DISC1: variants seen among roughly 807,000 people sequenced by gnomAD.
The protein encoded by DISC1 is disrupted in schizophrenia 1 protein.
A neutral mutation model predicts 84.5 loss-of-function variants in DISC1; 57 were observed. The observed-to-expected ratio is 0.67, with a 90% CI of 0.55 to 0.84. The LOEUF (loss-of-function observed/expected upper bound fraction) is 0.84. Among genes scored for constraint, DISC1 ranks in the 40% least tolerant of loss-of-function variants. DISC1 has a pLI of 0.00. For synonymous variants in DISC1, 411 were observed against 415.2 expected, an observed-to-expected ratio of 0.99 and a Z score of 0.12; for missense variants, 1,000 against 1,057.8, an observed-to-expected ratio of 0.95 and a Z score of 0.76.
At chr1:231,803,542 G>A (rs888933286) in intron 8 of DISC1, among the ~76,000 whole-genome samples, 8 of 152,088 alleles carry the variant, frequency 5.3e-5, no homozygotes, top group African/African-American at 1.9e-4. Flanking sequence ...TGCATGTGTT[G>A]TTAACAGACG....
At chr1:231,699,149 C>T (rs950330554) in intron 2 of DISC1, among the ~76,000 whole-genome samples, 1 of 152,148 alleles carries the variant, frequency 6.6e-6, no homozygotes, top group Admixed American at 6.5e-5. Flanking sequence ...GGGAGTCCTA[C>T]AAGAGCGATC....
chr1:231,885,000 A>G (rs1020203028), intron 9 of DISC1, among the ~76,000 whole-genome samples: 20 of 152,208 alleles, frequency 1.3e-4, no homozygotes, highest in African/African-American at 4.6e-4. Context: ...TCCATGGCCA[A>G]CTGGCTTTAG....
intron 3 of DISC1, among the ~76,000 whole-genome samples, chr1:231,736,352 C>T (rs1192206383): frequency 2.0e-5 from 3 of 152,240 alleles, no homozygotes; most frequent in East Asian, 3.9e-4. Context: ...AGGTTAGCAC[C>T]GAAAAAGATC....
chr1:231,886,544 G>A (rs141037588), intron 9 of DISC1, among the ~76,000 whole-genome samples: 1 of 152,300 alleles, frequency 6.6e-6, no homozygotes, highest in Non-Finnish European at 1.5e-5. Context: ...GTTTGCACGT[G>A]TGTCTACAGA....
At chr1:231,972,640 T>C (rs1307756583) in intron 10 of DISC1, among the ~76,000 whole-genome samples, 1 of 152,144 alleles carries the variant, frequency 6.6e-6, no homozygotes, top group Admixed American at 6.5e-5. Context: ...TGAAAACAAA[T>C]TGACTGCTCA....
At chr1:232,001,166 A>G (rs545067251) in intron 10 of DISC1, among the ~76,000 whole-genome samples, 5 of 152,184 alleles carry the variant, frequency 3.3e-5, no homozygotes, top group African/African-American at 7.2e-5. Context: ...GCAACCTCCA[A>G]TTCCCAGGTT....
intron 4 of DISC1, among the ~76,000 whole-genome samples, chr1:231,761,038 A>T (rs1385445085): frequency 1.3e-5 from 2 of 152,294 alleles, no homozygotes; most frequent in East Asian, 3.9e-4. Flanking sequence ...TTTGGAGCTA[A>T]TTTTTTCTGT....
intron 9 of DISC1, among the ~76,000 whole-genome samples, chr1:231,920,793 CT>C (rs1156766641): frequency 6.6e-6 from 1 of 151,952 alleles, no homozygotes; most frequent in East Asian, 1.9e-4. Flanking sequence ...TACTTTTATA[CT>C]AAAAAATTAT....
At position 231,844,743 on chromosome 1, in the gene DISC1, G is replaced by T. The variant is rs988823726; in HGVS notation, c.1981+26226G>T. On this transcript the variant is annotated intron_variant, in intron 9 of 12. Transcript: ENST00000439617. ...AGATCAAGACCATCCTGGCTAACACGTGAAACCCCGTCTCTACTAAAAATA... is the reference window on the plus strand; with the variant it reads ...AGATCAAGACCATCCTGGCTAACACTTGAAACCCCGTCTCTACTAAAAATA... 5.9e-5 allele frequency among the ~76,000 whole-genome samples: 9 copies of T among 151,890 alleles called. No homozygotes were observed. In the South Asian group the frequency reaches 1.0e-3, roughly 18 times the overall value.
At chr1:231,717,480 C>G (rs759137350) in intron 3 of DISC1, among the ~76,000 whole-genome samples, 16 of 152,178 alleles carry the variant, frequency 1.1e-4, no homozygotes, top group Non-Finnish European at 1.9e-4. Flanking sequence ...GCCCGCCTCC[C>G]TCTGCTGACT....
intron 1 of DISC1, among the ~76,000 whole-genome samples, chr1:231,667,256 T>C (rs2125423194): frequency 6.6e-6 from 1 of 152,306 alleles, no homozygotes; most frequent in Middle Eastern, 3.4e-3. Flanking sequence ...CCAAGGGAGG[T>C]AGGAAGAAAA....
At chr1:231,766,288 T>TAAAAAAAA (rs61578768) in intron 4 of DISC1, among the ~76,000 whole-genome samples, 1 of 106,118 alleles carries the variant, frequency 9.4e-6, no homozygotes, top group Non-Finnish European at 1.8e-5. Context: ...AGACATTATC[T>TAAAAAAAA]AAAAAAAAAA....
chr1:231,929,638 G>A (rs1165730760), intron 9 of DISC1, among the ~76,000 whole-genome samples: 1 of 152,222 alleles, frequency 6.6e-6, no homozygotes, highest in Non-Finnish European at 1.5e-5. Flanking sequence ...CTCTGGACAA[G>A]CAAACAGATG....
At chr1:231,947,938 C>A (rs577661591) in intron 9 of DISC1, among the ~76,000 whole-genome samples, 3 of 152,070 alleles carry the variant, frequency 2.0e-5, no homozygotes, top group Non-Finnish European at 2.9e-5. Context: ...GAATTGCGAT[C>A]ATTAAAAAGT....
intron 6 of DISC1, among the ~76,000 whole-genome samples, chr1:231,781,347 C>A (rs1376397275): frequency 6.6e-6 from 1 of 152,072 alleles, no homozygotes; most frequent in Non-Finnish European, 1.5e-5. Context: ...AAGCTTACAA[C>A]ATGAGTCTAT....
chr1:231,727,632 T>A (rs964548872), intron 3 of DISC1, among the ~76,000 whole-genome samples: 4 of 152,076 alleles, frequency 2.6e-5, no homozygotes. Context: ...ATGACAGCAA[T>A]CTCTTGGAAT....
intron 10 of DISC1, among the ~76,000 whole-genome samples, chr1:231,965,422 C>A (rs1294627057): frequency 6.6e-6 from 1 of 152,176 alleles, no homozygotes; most frequent in Non-Finnish European, 1.5e-5. Context: ...CCTGGTCATT[C>A]CATAGAGGCT....
intron 6 of DISC1, among the ~76,000 whole-genome samples, chr1:231,784,262 CA>C (rs71648875): frequency 0.39 from 41,228 of 105,986 alleles, 5,515 homozygotes; most frequent in African/African-American, 0.45. Flanking sequence ...GACTCCGTCT[CA>C]AAAAAAAAAA....
rs138002992 is a variant in DISC1 at position 231,727,710 on chromosome 1, A to T, written c.1118-22216A>T. On this transcript the variant is annotated intron_variant, in intron 3 of 12. Transcript: ENST00000439617. ...AACTCTTCACAGGCATTCTTTTCTC[A>T]CCATTTTACAATAATCTGGTGGCAT... Among the ~76,000 whole-genome samples, 12 of 152,160 alleles carry T rather than the reference A, an allele frequency of 7.9e-5. No individual in the cohort carries two copies. The East Asian group carries it at 2.3e-3, about 29-fold the overall frequency.
Sources: gnomAD v4.1 joint callset for allele counts (sites outside exome capture counted in the v4.1 genomes callset) on GRCh38, gnomAD v4.1.1 for gene constraint, MANE v1.5 for transcripts, NCBI Gene and HGNC (gene_info 2026-07-23, HGNC 2026-07-21) for gene names.